DLG2: variants seen among roughly 807,000 people sequenced by gnomAD.
DLG2 encodes the protein discs large MAGUK scaffold protein 2.
In DLG2, 45 loss-of-function variants were observed where a neutral mutation model predicts 132.5. The ratio of observed to expected loss-of-function variants is 0.34; its 90% CI spans 0.27 to 0.44. The LOEUF (loss-of-function observed/expected upper bound fraction) is 0.44. DLG2 is among the 20% of genes least tolerant of loss of function. The pLI, the probability that DLG2 is intolerant of heterozygous loss-of-function variation, is 1.00. For missense variants in DLG2, 1,045 were observed against 1,196.9 expected, an observed-to-expected ratio of 0.87 and a Z score of 1.87; for synonymous variants, 424 against 419.6, an observed-to-expected ratio of 1.01 and a Z score of -0.13.
chr11:84,535,563 A>G (rs141152063), intron 6 of DLG2, among the ~76,000 whole-genome samples: 2 of 152,260 alleles, frequency 1.3e-5, no homozygotes, highest in Non-Finnish European at 2.9e-5. Context: ...GAGAAAAAAA[A>G]AGGTTCAGGG....
At chr11:85,597,906 T>G (rs577649297) in intron 3 of DLG2, among the ~76,000 whole-genome samples, 94 of 151,704 alleles carry the variant, frequency 6.2e-4, no homozygotes, top group African/African-American at 2.1e-3. Context: ...GTTGTTTTTT[T>G]GGGAAAAGTA....
intron 3 of DLG2, among the ~76,000 whole-genome samples, chr11:85,351,251 A>G (rs889626378): frequency 1.3e-5 from 2 of 152,196 alleles, no homozygotes; most frequent in Non-Finnish European, 2.9e-5. Flanking sequence ...ATTTTTGCAC[A>G]TTGATTTTTT....
chr11:83,724,901 G>A, intron 18 of DLG2: 1 of 702,506 alleles, frequency 1.4e-6, no homozygotes, highest in South Asian at 1.5e-5. Context: ...ATAGCAGGCA[G>A]CTGCTTCCCA....
At chr11:84,179,478 T>A (rs1447979572) in intron 8 of DLG2, among the ~76,000 whole-genome samples, 1 of 152,160 alleles carries the variant, frequency 6.6e-6, no homozygotes, top group Non-Finnish European at 1.5e-5. Flanking sequence ...ACCTGAACTA[T>A]AACTGATGAA....
At chr11:85,151,875 G>A (rs531716706) in intron 5 of DLG2, among the ~76,000 whole-genome samples, 32 of 152,148 alleles carry the variant, frequency 2.1e-4, no homozygotes, top group African/African-American at 6.3e-4. Flanking sequence ...TTAGTGTCTC[G>A]GAACTAACGC....
chr11:85,240,585 G>T (rs2075826355), intron 4 of DLG2, among the ~76,000 whole-genome samples: 1 of 151,684 alleles, frequency 6.6e-6, no homozygotes, highest in Non-Finnish European at 1.5e-5. Flanking sequence ...ATCTGGAATT[G>T]ATCTTTGTGT....
chr11:84,939,405 A>G (rs1217227656), intron 6 of DLG2, among the ~76,000 whole-genome samples: 1 of 150,264 alleles, frequency 6.7e-6, no homozygotes, highest in Non-Finnish European at 1.5e-5. Context: ...TGTTATAAAC[A>G]TTCCAATTTT....
At chr11:84,924,904 C>A (rs570215151) in intron 6 of DLG2, among the ~76,000 whole-genome samples, 2 of 152,136 alleles carry the variant, frequency 1.3e-5, no homozygotes, top group Non-Finnish European at 2.9e-5. Context: ...ACTTTTTCTA[C>A]GGACTTTAAA....
rs369527759 is a variant in DLG2 at position 85,364,874 on chromosome 11, C to CT, written c.41-79510dup. 2.6e-3 allele frequency among the ~76,000 whole-genome samples: 380 copies of CT among 146,422 alleles called. 1 individual carries two copies. Among genetic ancestry groups the CT allele is most frequent in the African/African-American group, 5.8e-3 (234 of 40,094 alleles). ...TTTTGTTTTTCCCTATCCTTCTGAG[C>CT]TTTTTTTTTTGGTTCAGAGTTGGTA... On this transcript the variant is annotated intron_variant, in intron 3 of 27. Coordinates refer to ENST00000376104, the MANE Select transcript of DLG2 (RefSeq NM_001142699.3).
intron 4 of DLG2, among the ~76,000 whole-genome samples, chr11:85,187,098 C>A (rs971222886): frequency 1.3e-5 from 2 of 152,030 alleles, no homozygotes; most frequent in African/African-American, 4.8e-5. Flanking sequence ...ATTGTAATAT[C>A]TTTGCAGTCA....
chr11:84,584,894 T>C, intron 6 of DLG2, among the ~76,000 whole-genome samples: 1 of 151,570 alleles, frequency 6.6e-6, no homozygotes. Context: ...TTCACCGTTT[T>C]AGTCGGGATG....
intron 6 of DLG2, among the ~76,000 whole-genome samples, chr11:84,623,733 T>C (rs553779252): frequency 1.3e-5 from 2 of 152,282 alleles, no homozygotes; most frequent in South Asian, 2.1e-4. Flanking sequence ...ACAAATGCAA[T>C]GTTAATGTAC....
chr11:84,242,341 G>A lies in DLG2; in HGVS notation c.573+8897C>T, dbSNP rs546820188. On this transcript the variant is annotated intron_variant, in intron 8 of 27. Transcript: ENST00000376104. Reference sequence around the variant, plus strand: ...GAATGGTAAGTAGGTCAGGTCTTCTGTTGGTTTTTTTTTGTTTTTGTTTTT... The same window carrying A: ...GAATGGTAAGTAGGTCAGGTCTTCTATTGGTTTTTTTTTGTTTTTGTTTTT... Among the ~76,000 whole-genome samples, 3 of 151,980 alleles carry A rather than the reference G, an allele frequency of 2.0e-5. No homozygotes were observed. The East Asian group carries it at 5.8e-4, about 29-fold the overall frequency.
chr11:84,337,027 A>G (rs2098488210), intron 7 of DLG2, among the ~76,000 whole-genome samples: 1 of 152,222 alleles, frequency 6.6e-6, no homozygotes, highest in African/African-American at 2.4e-5. Flanking sequence ...TGTAATTAAC[A>G]TGATTGAGTC....
chr11:85,525,460 A>G (rs536326812), intron 3 of DLG2, among the ~76,000 whole-genome samples: 1 of 152,164 alleles, frequency 6.6e-6, no homozygotes, highest in African/African-American at 2.4e-5. Flanking sequence ...AAAAATAAAG[A>G]ATGTAAAGAT....
chr11:84,039,790 G>T (rs532514185), intron 11 of DLG2, among the ~76,000 whole-genome samples: 47 of 120,688 alleles, frequency 3.9e-4, no homozygotes, highest in African/African-American at 1.2e-3. Flanking sequence ...CTGAGGAATC[G>T]CCACACTGAC....
chr11:83,700,390 A>G (rs2153640149), intron 18 of DLG2, among the ~76,000 whole-genome samples: 1 of 152,292 alleles, frequency 6.6e-6, no homozygotes, highest in Admixed American at 6.5e-5. Context: ...AGAGGCTATG[A>G]TGACCTTCTG....
At chr11:84,178,039 G>A (rs781327395) in intron 8 of DLG2, among the ~76,000 whole-genome samples, 1 of 151,840 alleles carries the variant, frequency 6.6e-6, no homozygotes, top group Non-Finnish European at 1.5e-5. Context: ...GTTAACAACT[G>A]TGAGAGCCTG....
At chr11:83,577,823 T>C (rs1225080622) in intron 19 of DLG2, among the ~76,000 whole-genome samples, 1 of 110,124 alleles carries the variant, frequency 9.1e-6, no homozygotes, top group Admixed American at 1.1e-4. Context: ...AAATACAAAA[T>C]ATTAAATATA....
Sources: gnomAD v4.1 joint callset for allele counts (sites outside exome capture counted in the v4.1 genomes callset) on GRCh38, gnomAD v4.1.1 for gene constraint, MANE v1.5 for transcripts, NCBI Gene and HGNC (gene_info 2026-07-23, HGNC 2026-07-21) for gene names.